The following RALYL variants were observed in gnomAD, a reference collection of about 807,000 sequenced individuals.
RALYL encodes RALY RNA binding protein like.
Under a neutral mutation model 35.1 loss-of-function variants are expected in RALYL, and 29 were observed. The observed-to-expected ratio is 0.83, with a 90% CI of 0.61 to 1.13. The LOEUF (loss-of-function observed/expected upper bound fraction) is 1.13, where lower values mean the gene tolerates loss of function less well. Ranked by LOEUF, RALYL falls within the 50% of genes most tolerant of loss-of-function variation. The pLI is 0.00. For synonymous variants in RALYL, 120 were observed against 127.6 expected, an observed-to-expected ratio of 0.94 and a Z score of 0.40; for missense variants, 359 against 360.4, an observed-to-expected ratio of 1.00 and a Z score of 0.03.
intron 1 of RALYL, among the ~76,000 whole-genome samples, chr8:84,470,264 A>T (rs1302244647): frequency 6.6e-6 from 1 of 152,136 alleles, no homozygotes; most frequent in Non-Finnish European, 1.5e-5. Context: ...TAAGAGAATG[A>T]TTATTCTCTT....
intron 1 of RALYL, among the ~76,000 whole-genome samples, chr8:84,208,883 T>C (rs1818721273): frequency 6.6e-6 from 1 of 151,824 alleles, no homozygotes. Flanking sequence ...CTCAGGTACC[T>C]GGGAGTAGCA....
At chr8:84,499,457 T>C (rs1311592878) in intron 1 of RALYL, among the ~76,000 whole-genome samples, 2 of 152,158 alleles carry the variant, frequency 1.3e-5, no homozygotes, top group Non-Finnish European at 2.9e-5. Flanking sequence ...TGAAGATTAT[T>C]TTTAATTTTA....
chr8:84,920,383 T>G (rs1161726706), intron 8 of RALYL, among the ~76,000 whole-genome samples: 1 of 152,104 alleles, frequency 6.6e-6, no homozygotes, highest in Non-Finnish European at 1.5e-5. Flanking sequence ...CACCATGAAG[T>G]CTTTCAATGT....
At chr8:84,337,921 TA>T (rs778469096) in intron 1 of RALYL, among the ~76,000 whole-genome samples, 5 of 152,106 alleles carry the variant, frequency 3.3e-5, no homozygotes, top group Non-Finnish European at 7.4e-5. Flanking sequence ...ACTGGGAGCT[TA>T]AAAAATTCCC....
intron 1 of RALYL, among the ~76,000 whole-genome samples, chr8:84,302,635 C>T (rs954024509): frequency 5.3e-5 from 8 of 152,088 alleles, no homozygotes; most frequent in Non-Finnish European, 8.8e-5. Context: ...AGTGGAAAGC[C>T]ATTTACGGGT....
intron 4 of RALYL, among the ~76,000 whole-genome samples, chr8:84,848,551 A>T (rs1835148758): frequency 6.6e-6 from 1 of 152,076 alleles, no homozygotes; most frequent in South Asian, 2.1e-4. Context: ...TATGCTAAGT[A>T]AAATAAGCCA....
chr8:84,375,501 A>G (rs1856739500), intron 1 of RALYL, among the ~76,000 whole-genome samples: 3 of 151,870 alleles, frequency 2.0e-5, no homozygotes, highest in Non-Finnish European at 4.4e-5. Context: ...ATTTAATAGA[A>G]GTTTTATTCT....
chr8:84,767,018 G>A (rs528980127), intron 2 of RALYL, among the ~76,000 whole-genome samples: 38 of 152,292 alleles, frequency 2.5e-4, no homozygotes, highest in Non-Finnish European at 4.6e-4. Context: ...AAGTAGGTGC[G>A]AGGTGGGAGA....
chr8:84,518,506 G>A (rs2058227488), intron 1 of RALYL, among the ~76,000 whole-genome samples: 1 of 152,158 alleles, frequency 6.6e-6, no homozygotes, highest in African/African-American at 2.4e-5. Context: ...CATAGCAGTT[G>A]AATTTAAGGA....
intron 1 of RALYL, among the ~76,000 whole-genome samples, chr8:84,522,098 A>T (rs1294728693): frequency 6.6e-6 from 1 of 152,136 alleles, no homozygotes; most frequent in Admixed American, 6.6e-5. Flanking sequence ...TCTAGATTCC[A>T]TTTAGTGGTA....
intron 1 of RALYL, among the ~76,000 whole-genome samples, chr8:84,315,731 T>C (rs1843641611): frequency 6.6e-6 from 1 of 151,680 alleles, no homozygotes; most frequent in African/African-American, 2.4e-5. Context: ...CCCAAGTGCA[T>C]AGGAAAATCC....
chr8:84,755,154 A>T (rs1042865662), intron 2 of RALYL, among the ~76,000 whole-genome samples: 1 of 152,208 alleles, frequency 6.6e-6, no homozygotes, highest in Non-Finnish European at 1.5e-5. Context: ...CATGGCAAAC[A>T]CAACATAGTA....
At position 84,554,271 on chromosome 8, in the gene RALYL, A is replaced by G. The variant is rs141166896; in HGVS notation, c.256+24694A>G. Among the ~76,000 whole-genome samples the G allele has an allele frequency of 1.6e-3, 245 of 152,314 alleles. 1 individual carries two copies. Among genetic ancestry groups the G allele is most frequent in the African/African-American group, 5.3e-3 (222 of 41,580 alleles). ...GTTAATTAGACTATCACACATTTAA[A>G]CACTGGAGATGTAACAATTTACGGT... On this transcript the variant is annotated intron_variant, in intron 2 of 8. Coordinates refer to ENST00000521268, the MANE Select transcript of RALYL (RefSeq NM_173848.7).
chr8:84,318,440 A>T (rs962780868), intron 1 of RALYL, among the ~76,000 whole-genome samples: 1 of 152,146 alleles, frequency 6.6e-6, no homozygotes, highest in African/African-American at 2.4e-5. Context: ...CTCTTTTATC[A>T]TCATACCACT....
intron 2 of RALYL, among the ~76,000 whole-genome samples, chr8:84,623,260 T>A (rs1821969628): frequency 6.6e-6 from 1 of 152,174 alleles, no homozygotes; most frequent in South Asian, 2.1e-4. Flanking sequence ...TAATGTGTCA[T>A]GTTATCGTGA....
At chr8:84,714,838 A>C (rs943218903) in intron 2 of RALYL, among the ~76,000 whole-genome samples, 1 of 151,930 alleles carries the variant, frequency 6.6e-6, no homozygotes, top group Non-Finnish European at 1.5e-5. Context: ...TGCCAGCACA[A>C]GTTGGCATTA....
intron 1 of RALYL, among the ~76,000 whole-genome samples, chr8:84,249,013 A>G (rs1230027735): frequency 6.6e-6 from 1 of 152,096 alleles, no homozygotes; most frequent in African/African-American, 2.4e-5. Context: ...TTTTGTAGTC[A>G]TGGAACGAGC....
chr8:84,436,040 C>T (rs866980528), intron 1 of RALYL, among the ~76,000 whole-genome samples: 1 of 152,096 alleles, frequency 6.6e-6, no homozygotes, highest in South Asian at 2.1e-4. Flanking sequence ...GAAGTCACCT[C>T]TAAAGAACAT....
chr8:84,410,219 G>T (rs2043963536), intron 1 of RALYL, among the ~76,000 whole-genome samples: 1 of 151,888 alleles, frequency 6.6e-6, no homozygotes, highest in Non-Finnish European at 1.5e-5. Flanking sequence ...TAATGTAGGA[G>T]AAGCAGTGTT....
Sources: gnomAD v4.1 joint callset for allele counts (sites outside exome capture counted in the v4.1 genomes callset) on GRCh38, gnomAD v4.1.1 for gene constraint, MANE v1.5 for transcripts, NCBI Gene and HGNC (gene_info 2026-07-23, HGNC 2026-07-21) for gene names.